Variants in MPND observed in about 807,000 individuals in gnomAD.
MPND encodes the protein MPN domain-containing protein.
In MPND, 56 loss-of-function variants were observed where a neutral mutation model predicts 59.2. The observed-to-expected ratio is 0.95, with a 90% CI of 0.76 to 1.18. MPND has a LOEUF of 1.18. Ranked by LOEUF, MPND falls within the 50% of genes most tolerant of loss-of-function variation. The pLI is 0.00. For missense variants in MPND, 671 were observed against 676.0 expected (o/e 0.99, Z 0.08); for synonymous variants, 323 against 291.9 (o/e 1.11, Z -1.09).
At position 4,359,201 on chromosome 19, in the gene MPND, C is replaced by T. The variant is rs141733787; in HGVS notation, c.1365C>T (p.Leu455=). 186 of 1,613,316 alleles carry T rather than the reference C, an allele frequency of 1.2e-4. No individual in the cohort carries two copies. The highest frequency in any genetic ancestry group is 1.5e-4 in the Non-Finnish European group (175 of 1,179,750). Residue 455 remains leucine, a synonymous_variant, in exon 12 of 13, where the codon CTC becomes CTT. Transcript: ENST00000599840. ...AGTTCTACAAGGGTTCCCCTGACCT[C>T]GTGAGGCTCCAGGAACCCTGGAGCC... is the stretch of plus-strand genomic sequence containing the variant. ...LVEFYKGSPD[L]VRLQEPWSQE...
At chr19:4,359,320 A>G in intron 12 of MPND, 65 bp downstream of exon 12, 1 of 1,256,230 alleles carries the variant, frequency 8.0e-7, no homozygotes, top group Non-Finnish European at 1.2e-6. Context: ...GGCAGCCTAA[A>G]AGGTGGCAGC....
intron 3 of MPND, chr19:4,347,672 C>A: frequency 2.5e-6 from 1 of 400,886 alleles, no homozygotes. Context: ...AAACTTGTGA[C>A]AAAGGACAGA....
In MPND at chr19:4,345,798, G is replaced by T; in HGVS notation, c.348G>T (p.Glu116Asp). 3 of 1,613,970 alleles carry T rather than the reference G, an allele frequency of 1.9e-6. No homozygotes were observed. Among genetic ancestry groups the T allele is most frequent in the Non-Finnish European group, 2.5e-6 (3 of 1,180,026 alleles). The change falls in exon 3 of 13, where the codon GAG (glutamate) becomes GAT (aspartate). Residue 116 changes from glutamate (E) to aspartate (D), a missense_variant. Coordinates refer to ENST00000599840, the MANE Select transcript of MPND (RefSeq NM_001300862.2). The part of the protein sequence containing the change: ...LQPDGRIMWQ[E>D]TGQTFNSPSA... ...CAGACGGAAGGATCATGTGGCAGGA[G>T]ACCGGGCAGACCTTCAACTCACCCA...
chr19:4,352,085 A>C (rs945449471), intron 3 of MPND, among the ~76,000 whole-genome samples: 30 of 151,320 alleles, frequency 2.0e-4, no homozygotes, highest in Non-Finnish European at 4.1e-4. Flanking sequence ...AGGCAAGAGA[A>C]TGGCTTGAAC....
chr19:4,347,697 C>A lies in MPND; in HGVS notation c.531+1716C>A, dbSNP rs1425061571. 1.4e-5 allele frequency: 8 copies of A among 580,428 alleles called. No individual in the cohort carries two copies. In the East Asian group the frequency reaches 1.8e-4, roughly 13 times the overall value. The allele number at this position is 580,428 out of a possible 1,614,324, so 36.0% of individuals were successfully genotyped here. A position where few individuals can be genotyped will look rare whatever the true frequency, so the allele number is the denominator to read the frequency against. On this transcript the variant is annotated intron_variant, in intron 3 of 12. Coordinates refer to ENST00000599840, the MANE Select transcript of MPND (RefSeq NM_001300862.2). ...CAAAGGACAGAAAGGAAATTCTACT[C>A]ATTGCAAGGAAATCCTCACTTAAGC... is the stretch of plus-strand genomic sequence containing the variant.
intron 11 of MPND, chr19:4,358,429 A>AC (rs1442581551): frequency 2.0e-6 from 1 of 498,370 alleles, no homozygotes; most frequent in African/African-American, 1.9e-5. Context: ...CAGTAGAGAA[A>AC]CCCCAGGGAC....
chr19:4,353,845 G>A (rs897243106), intron 4 of MPND, 200 bp from the exon 5 acceptor site: 3 of 510,450 alleles, frequency 5.9e-6, no homozygotes, highest in African/African-American at 3.9e-5. Context: ...TTTCTTCTTT[G>A]TAAATAAGAG....
chr19:4,347,799 A>T, intron 3 of MPND: 1 of 429,398 alleles, frequency 2.3e-6, no homozygotes, highest in Non-Finnish European at 4.4e-6. Flanking sequence ...CCTTCACATG[A>T]TCCTCCTTAG....
chr19:4,344,716 T>A (rs1201861131), intron 2 of MPND, among the ~76,000 whole-genome samples: 2 of 151,578 alleles, frequency 1.3e-5, no homozygotes, highest in Non-Finnish European at 2.9e-5. Context: ...AAGCACTTTA[T>A]CTGTGGTAGG....
intron 8 of MPND, among the ~76,000 whole-genome samples, chr19:4,355,833 C>T (rs939891095): frequency 6.6e-6 from 1 of 150,602 alleles, no homozygotes; most frequent in African/African-American, 2.4e-5. Context: ...GCTGGGATTA[C>T]AGGTGTGAGC....
At chr19:4,355,446 C>G (rs1002041470) in intron 8 of MPND, among the ~76,000 whole-genome samples, 3 of 151,894 alleles carry the variant, frequency 2.0e-5, no homozygotes, top group African/African-American at 7.3e-5. Context: ...CGCCATTCTC[C>G]TGCCTCAGCC....
intron 8 of MPND, among the ~76,000 whole-genome samples, chr19:4,355,733 T>C (rs1972424806): frequency 6.6e-6 from 1 of 151,820 alleles, no homozygotes; most frequent in African/African-American, 2.4e-5. Flanking sequence ...CCTCCCAAAG[T>C]GTTGGGATTA....
At position 4,354,405 on chromosome 19, in the gene MPND, C is replaced by T. The variant is rs756108457; in HGVS notation, c.831C>T (p.Asn277=). 3.2e-5 allele frequency: 50 copies of T among 1,557,418 alleles called. No homozygotes were observed. The highest frequency in any genetic ancestry group is 2.9e-4 in the Admixed American group (15 of 51,794). ...CGTTCAACGTGGCTGTTTCTAGCAA[C>T]GTGCTGTTCCTGCTGGTGTGTGGCC... The part of the protein sequence containing the change: ...FQPFNVAVSS[N]VLFLLDFHSH... Residue 277 remains asparagine, a synonymous_variant, in exon 6 of 13, where the codon AAC becomes AAT. Coordinates refer to ENST00000599840, the MANE Select transcript of MPND (RefSeq NM_001300862.2).
intron 6 of MPND, 114 bp from the exon 7 acceptor site, chr19:4,354,835 G>T: frequency 4.5e-6 from 5 of 1,122,616 alleles, no homozygotes; most frequent in Non-Finnish European, 6.3e-6. Context: ...CTGCCCTCCA[G>T]CCTGGGCGAC....
chr19:4,357,859 T>A, intron 10 of MPND: 1 of 606,200 alleles, frequency 1.6e-6, no homozygotes, highest in Non-Finnish European at 2.9e-6. Context: ...AAGTCAGAGG[T>A]CAGCCCTGGG....
chr19:4,352,765 C>A, intron 3 of MPND, 132 bp from the exon 4 acceptor site: 1 of 852,132 alleles, frequency 1.2e-6, no homozygotes, highest in Non-Finnish European at 1.6e-6. Flanking sequence ...CTGCTCCCTC[C>A]CTCCCTCTAG....
chr19:4,351,253 G>A (rs569990917), intron 3 of MPND, among the ~76,000 whole-genome samples: 10 of 152,144 alleles, frequency 6.6e-5, no homozygotes, highest in Middle Eastern at 3.4e-3. Flanking sequence ...GCAGGTGTTC[G>A]CCACCATGCC....
At chr19:4,354,210 G>A in intron 5 of MPND, 81 bp downstream of exon 5, 3 of 1,532,192 alleles carry the variant, frequency 2.0e-6, no homozygotes, top group East Asian at 2.4e-5. Context: ...GGCAGGGGTG[G>A]GGGGTGGGAC....
At chr19:4,344,560 A>G (rs1972143149) in intron 2 of MPND, among the ~76,000 whole-genome samples, 3 of 152,180 alleles carry the variant, frequency 2.0e-5, no homozygotes, top group South Asian at 4.1e-4. Flanking sequence ...AGGCTCAGAG[A>G]GGAGCCACCA....
Sources: allele counts gnomAD v4.1 joint callset (sites outside exome capture counted in the v4.1 genomes callset), GRCh38; gene constraint gnomAD v4.1.1; transcripts MANE v1.5; gene names NCBI Gene and HGNC (gene_info 2026-07-23, HGNC 2026-07-21).